Variants in PIP5K1B observed in about 807,000 individuals in gnomAD.
PIP5K1B encodes the protein phosphatidylinositol-4-phosphate 5-kinase type 1 beta.
PIP5K1B carries 42 observed loss-of-function variants against 67.0 expected under a neutral mutation model. The ratio of observed to expected loss-of-function variants is 0.63; its 90% confidence interval spans 0.49 to 0.81. PIP5K1B has a LOEUF of 0.81. Ranked by LOEUF, PIP5K1B falls within the 30% of genes least tolerant of loss-of-function variation. PIP5K1B has a pLI of 0.00. For missense variants in PIP5K1B, 459 were observed against 646.3 expected (o/e 0.71, Z 3.14); for synonymous variants, 214 against 231.4 (o/e 0.92, Z 0.68).
intron 4 of PIP5K1B, among the ~76,000 whole-genome samples, chr9:68,830,413 G>C (rs568987454): frequency 7.2e-6 from 1 of 138,834 alleles, no homozygotes; most frequent in South Asian, 2.5e-4. Flanking sequence ...AGAATTGGCA[G>C]CTTCAGATTA....
intron 7 of PIP5K1B, among the ~76,000 whole-genome samples, chr9:68,891,808 A>G (rs572486611): frequency 6.6e-6 from 1 of 152,328 alleles, no homozygotes; most frequent in East Asian, 1.9e-4. Flanking sequence ...AATCCATTAT[A>G]TTCCATTATA....
chr9:68,866,604 A>G (rs1823367616), intron 5 of PIP5K1B, among the ~76,000 whole-genome samples: 2 of 152,234 alleles, frequency 1.3e-5, no homozygotes, highest in African/African-American at 4.8e-5. Context: ...AAATTGTCCG[A>G]TAGAGAACTG....
intron 8 of PIP5K1B, among the ~76,000 whole-genome samples, chr9:68,908,592 G>A (rs1390904625): frequency 6.6e-6 from 1 of 152,148 alleles, no homozygotes; most frequent in Non-Finnish European, 1.5e-5. Flanking sequence ...GTCACAGCCT[G>A]TATTTTCTCA....
rs79747513 is a variant in PIP5K1B, at chr9:68,874,198, C to A, written c.201-2479C>A. Among the ~76,000 whole-genome samples, 316 of 152,288 alleles carry A rather than the reference C, an allele frequency of 2.1e-3. 3 individuals carry two copies. Among genetic ancestry groups the A allele is most frequent in the Middle Eastern group, 0.01 (3 of 294 alleles). On this transcript the variant is annotated intron_variant, in intron 5 of 15. Coordinates refer to ENST00000265382, the MANE Select transcript of PIP5K1B (RefSeq NM_003558.4). Reference sequence around the variant, plus strand: ...TTCTCTGTTTATACAAATATAATTTCTTGATTATCCCATGTAGGTAAGCCT... The same window carrying A: ...TTCTCTGTTTATACAAATATAATTTATTGATTATCCCATGTAGGTAAGCCT...
chr9:68,761,439 A>G (rs900590307), intron 2 of PIP5K1B, among the ~76,000 whole-genome samples: 8 of 152,056 alleles, frequency 5.3e-5, no homozygotes, highest in African/African-American at 1.4e-4. Context: ...TCCTATATTC[A>G]TTTCTTATTG....
At chr9:68,975,493 T>C (rs1829593856) in intron 14 of PIP5K1B, among the ~76,000 whole-genome samples, 1 of 152,226 alleles carries the variant, frequency 6.6e-6, no homozygotes, top group African/African-American at 2.4e-5. Context: ...TGCATGTCAG[T>C]GAGAAGTTCT....
At chr9:68,901,694 A>G (rs1347456441) in intron 8 of PIP5K1B, among the ~76,000 whole-genome samples, 1 of 152,250 alleles carries the variant, frequency 6.6e-6, no homozygotes, top group Non-Finnish European at 1.5e-5. Flanking sequence ...GCATAAAGCA[A>G]AGTTAAAGTT....
chr9:68,991,402 G>A, intron 15 of PIP5K1B, 145 bp downstream of exon 15: 1 of 593,586 alleles, frequency 1.7e-6, no homozygotes, highest in Non-Finnish European at 3.0e-6. Context: ...TGCAAATGGT[G>A]CTTCTTTTCA....
At chr9:68,963,546 C>G (rs887739468) in intron 14 of PIP5K1B, among the ~76,000 whole-genome samples, 8 of 151,896 alleles carry the variant, frequency 5.3e-5, no homozygotes, top group African/African-American at 1.9e-4. Flanking sequence ...CCATTCTAAG[C>G]CCAGGAATCC....
At chr9:68,935,152 A>G (rs1827186874) in intron 13 of PIP5K1B, 107 bp downstream of exon 13, 1 of 922,222 alleles carries the variant, frequency 1.1e-6, no homozygotes, top group African/African-American at 1.7e-5. Flanking sequence ...GAAATAAAAT[A>G]TATTAATTAA....
At chr9:68,740,270 A>G (rs912640038) in intron 1 of PIP5K1B, among the ~76,000 whole-genome samples, 2 of 152,236 alleles carry the variant, frequency 1.3e-5, no homozygotes, top group South Asian at 2.1e-4. Context: ...GGCTGTATAA[A>G]TAGAAGTACT....
intron 12 of PIP5K1B, among the ~76,000 whole-genome samples, chr9:68,925,548 G>A (rs1488355888): frequency 6.6e-6 from 1 of 151,946 alleles, no homozygotes; most frequent in Non-Finnish European, 1.5e-5. Flanking sequence ...TTTATATTGG[G>A]TGTTTGTTAT....
chr9:68,982,078 A>C (rs1466348815), intron 14 of PIP5K1B, among the ~76,000 whole-genome samples: 1 of 152,204 alleles, frequency 6.6e-6, no homozygotes, highest in Non-Finnish European at 1.5e-5. Flanking sequence ...CTGAATCGAG[A>C]GAATTGTGGC....
chr9:68,974,925 A>C (rs1829561043), intron 14 of PIP5K1B, among the ~76,000 whole-genome samples: 1 of 152,234 alleles, frequency 6.6e-6, no homozygotes, highest in Admixed American at 6.5e-5. Context: ...TGTTTTTAGC[A>C]CATTGACATG....
chr9:68,719,927 A>G (rs778655824), intron 1 of PIP5K1B, among the ~76,000 whole-genome samples: 1 of 152,196 alleles, frequency 6.6e-6, no homozygotes, highest in Non-Finnish European at 1.5e-5. Context: ...TAAGTATCCT[A>G]CACATGTGCC....
intron 14 of PIP5K1B, among the ~76,000 whole-genome samples, chr9:68,972,685 A>G (rs1829439575): frequency 6.6e-6 from 1 of 152,188 alleles, no homozygotes; most frequent in African/African-American, 2.4e-5. Context: ...ATGTACATAC[A>G]TATGTGCACA....
intron 7 of PIP5K1B, among the ~76,000 whole-genome samples, chr9:68,893,543 A>G (rs1449788680): frequency 6.6e-6 from 1 of 152,114 alleles, no homozygotes; most frequent in Non-Finnish European, 1.5e-5. Context: ...CATGCTAGCC[A>G]GGCTGGTCTC....
chr9:68,783,018 T>C (rs887127484), intron 2 of PIP5K1B: 6 of 167,260 alleles, frequency 3.6e-5, no homozygotes, highest in Admixed American at 2.6e-4. Context: ...CCCCTGATTT[T>C]GCCTTAAGTT....
chr9:68,716,105 T>G (rs1395345174), intron 1 of PIP5K1B, among the ~76,000 whole-genome samples: 4 of 152,064 alleles, frequency 2.6e-5, no homozygotes, highest in Non-Finnish European at 5.9e-5. Context: ...ATTGTAAAAG[T>G]AAAAGGAAGG....
Sources: allele counts gnomAD v4.1 joint callset (sites outside exome capture counted in the v4.1 genomes callset), GRCh38; gene constraint gnomAD v4.1.1; transcripts MANE v1.5; gene names NCBI Gene and HGNC (gene_info 2026-07-23, HGNC 2026-07-21).